ADAMTS19: variants seen among roughly 807,000 people sequenced by gnomAD.
ADAMTS19 encodes A disintegrin and metalloproteinase with thrombospondin motifs 19.
A neutral mutation model predicts 153.3 loss-of-function variants in ADAMTS19; 93 were observed. That is an observed-to-expected ratio of 0.61 (90% CI 0.51 to 0.72). The LOEUF is 0.72. ADAMTS19 is among the 30% of genes least tolerant of loss of function. The pLI is 0.00. For synonymous variants in ADAMTS19, 600 were observed against 556.6 expected, an observed-to-expected ratio of 1.08 and a Z score of -1.10; for missense variants, 1,482 against 1,552.1, an observed-to-expected ratio of 0.95 and a Z score of 0.76.
chr5:129,672,239 T>C (rs960918587), intron 16 of ADAMTS19, among the ~76,000 whole-genome samples: 2 of 152,136 alleles, frequency 1.3e-5, no homozygotes, highest in Non-Finnish European at 2.9e-5. Context: ...TGACCTCATC[T>C]AATCCTAATT....
chr5:129,609,923 C>A (rs1751113201), intron 8 of ADAMTS19, among the ~76,000 whole-genome samples: 1 of 152,064 alleles, frequency 6.6e-6, no homozygotes, highest in Non-Finnish European at 1.5e-5. Context: ...TGGCAAGAGG[C>A]CACAGTAGTT....
chr5:129,642,511 T>C (rs1229392412), intron 11 of ADAMTS19, among the ~76,000 whole-genome samples: 2 of 152,230 alleles, frequency 1.3e-5, no homozygotes, highest in Non-Finnish European at 2.9e-5. Context: ...ATAACTGCTT[T>C]TGAAAATTAA....
intron 7 of ADAMTS19, among the ~76,000 whole-genome samples, chr5:129,553,424 T>C (rs1408102924): frequency 6.6e-6 from 1 of 152,216 alleles, no homozygotes; most frequent in Non-Finnish European, 1.5e-5. Flanking sequence ...TATTTTCTAA[T>C]TTAAAACACA....
At chr5:129,555,416 G>A (rs1053583162) in intron 7 of ADAMTS19, among the ~76,000 whole-genome samples, 7 of 151,996 alleles carry the variant, frequency 4.6e-5, no homozygotes, top group African/African-American at 1.7e-4. Context: ...CCCTAGTTTT[G>A]TTATCATTAT....
At chr5:129,537,489 C>A (rs538434640) in intron 6 of ADAMTS19, among the ~76,000 whole-genome samples, 2 of 152,102 alleles carry the variant, frequency 1.3e-5, no homozygotes, top group Admixed American at 6.5e-5. Context: ...ATGTTTATTG[C>A]GGCACTATTC....
intron 20 of ADAMTS19, 131 bp downstream of exon 20, chr5:129,701,723 AT>A: frequency 2.0e-6 from 2 of 983,946 alleles, no homozygotes; most frequent in South Asian, 2.0e-5. Flanking sequence ...TTTGTTGATG[AT>A]TAAAGGAATA....
At chr5:129,624,035 G>A (rs948251854) in intron 10 of ADAMTS19, among the ~76,000 whole-genome samples, 7 of 147,382 alleles carry the variant, frequency 4.7e-5, no homozygotes, top group African/African-American at 1.7e-4. Flanking sequence ...GCTGAGGCAG[G>A]AGAATGGTGT....
chr5:129,546,915 T>C (rs991147069), intron 6 of ADAMTS19, among the ~76,000 whole-genome samples: 1 of 150,982 alleles, frequency 6.6e-6, no homozygotes, highest in Admixed American at 6.6e-5. Flanking sequence ...TAAAAACACA[T>C]GAAAAATTGA....
rs1752809391 is a variant in ADAMTS19 at position 129,641,952 on chromosome 5, C to T, written c.1864C>T (p.Leu622Phe). ...DPPMDGTDCD[L>F]GKWCKAGECT... Reference sequence around the variant, plus strand: ...ACCAATGGATGGAACTGACTGTGACCTTGGTAAGGTAAGTCATTTGTGTTG... The same window carrying T: ...ACCAATGGATGGAACTGACTGTGACTTTGGTAAGGTAAGTCATTTGTGTTG... The change falls in exon 11 of 23, where the codon CTT becomes TTT. Residue 622 changes from leucine (L) to phenylalanine (F), a missense_variant. Coordinates refer to ENST00000274487, the MANE Select transcript of ADAMTS19 (RefSeq NM_133638.6). The T allele has an allele frequency of 3.8e-6, 6 of 1,587,798 alleles. No homozygotes were observed. The highest frequency in any genetic ancestry group is 5.2e-6 in the Non-Finnish European group (6 of 1,163,924).
chr5:129,656,337 C>A (rs1284285563), intron 14 of ADAMTS19, among the ~76,000 whole-genome samples: 1 of 152,180 alleles, frequency 6.6e-6, no homozygotes, highest in South Asian at 2.1e-4. Context: ...AAACATGCCT[C>A]TTTAGTTTTT....
chr5:129,641,729 A>G, intron 10 of ADAMTS19, 130 bp from the exon 11 acceptor site: 1 of 485,288 alleles, frequency 2.1e-6, no homozygotes, highest in East Asian at 3.1e-5. Context: ...TAATATTTTA[A>G]TTACCTAAAG....
chr5:129,713,558 C>T (rs1756574133), intron 21 of ADAMTS19, among the ~76,000 whole-genome samples: 1 of 152,076 alleles, frequency 6.6e-6, no homozygotes. Context: ...GCCAGGAGTT[C>T]AAGACCAGCC....
rs72663401 is a variant in ADAMTS19 at position 129,480,155 on chromosome 5, T to C, written c.747+18398T>C. Among the ~76,000 whole-genome samples, 373 of 152,292 alleles carry C rather than the reference T, an allele frequency of 2.4e-3. 7 individuals are homozygous for C. The East Asian group carries it at 0.061, about 25-fold the overall frequency. On this transcript the variant is annotated intron_variant, in intron 2 of 22. Coordinates refer to ENST00000274487, the MANE Select transcript of ADAMTS19 (RefSeq NM_133638.6). ...AATAGTTCTACTTAAATATGGCTAG[T>C]TGATTTTCAAGAAAGTTACCGATGT...
chr5:129,647,286 A>T (rs1294829860), intron 11 of ADAMTS19, among the ~76,000 whole-genome samples: 4 of 151,838 alleles, frequency 2.6e-5, no homozygotes, highest in South Asian at 2.1e-4. Context: ...ACTACAAGTT[A>T]AAAAAGTACC....
At chr5:129,548,472 TGA>T (rs1752944283) in intron 6 of ADAMTS19, among the ~76,000 whole-genome samples, 1 of 151,942 alleles carries the variant, frequency 6.6e-6, no homozygotes, top group Non-Finnish European at 1.5e-5. Context: ...AAAACCACAA[TGA>T]GATACCATCT....
intron 6 of ADAMTS19, among the ~76,000 whole-genome samples, chr5:129,534,848 A>G (rs998650959): frequency 6.6e-6 from 1 of 152,214 alleles, no homozygotes. Context: ...ATAGATGCAG[A>G]AAAGGCCTTT....
chr5:129,614,398 C>T (rs1394939498), intron 8 of ADAMTS19, among the ~76,000 whole-genome samples: 3 of 151,988 alleles, frequency 2.0e-5, no homozygotes, highest in African/African-American at 7.2e-5. Flanking sequence ...AATCAATAAA[C>T]GTAATCCAGC....
chr5:129,598,476 A>G (rs1750488779), intron 8 of ADAMTS19, among the ~76,000 whole-genome samples: 1 of 152,232 alleles, frequency 6.6e-6, no homozygotes, highest in Non-Finnish European at 1.5e-5. Context: ...CAAGTGATCA[A>G]ATTGTAATTA....
chr5:129,681,567 A>G (rs925113934), intron 17 of ADAMTS19, among the ~76,000 whole-genome samples: 1 of 152,172 alleles, frequency 6.6e-6, no homozygotes, highest in African/African-American at 2.4e-5. Flanking sequence ...AGAATTAAAT[A>G]TGAGAAAAGT....
Sources: allele counts gnomAD v4.1 joint callset (sites outside exome capture counted in the v4.1 genomes callset), GRCh38; gene constraint gnomAD v4.1.1; transcripts MANE v1.5; gene names NCBI Gene and HGNC (gene_info 2026-07-23, HGNC 2026-07-21).